Variants in EPB41L2 observed in about 807,000 individuals in gnomAD.
The protein encoded by EPB41L2 is band 4.1-like protein 2.
Under a neutral mutation model 113.0 loss-of-function variants are expected in EPB41L2, and 43 were observed. That is an observed-to-expected ratio of 0.38 (90% CI 0.30 to 0.49). The LOEUF (loss-of-function observed/expected upper bound fraction) is 0.49, where lower values mean the gene tolerates loss of function less well. Among genes scored for constraint, EPB41L2 ranks in the 20% least tolerant of loss-of-function variants. The probability of loss-of-function intolerance (pLI) is 0.95; values close to 1 mark genes in which losing one functional copy is unlikely to be tolerated. For synonymous variants in EPB41L2, 442 were observed against 436.7 expected (o/e 1.01, Z -0.15); for missense variants, 1,147 against 1,223.4 (o/e 0.94, Z 0.93).
chr6:130,913,842 C>T (rs1800146190), intron 4 of EPB41L2, among the ~76,000 whole-genome samples: 1 of 151,970 alleles, frequency 6.6e-6, no homozygotes, highest in South Asian at 2.1e-4. Flanking sequence ...CTTGGTTTGA[C>T]ACTTAAGGAG....
intron 12 of EPB41L2, chr6:130,880,479 T>C (rs1420439974): frequency 4.6e-6 from 3 of 655,858 alleles, no homozygotes; most frequent in Non-Finnish European, 8.2e-6. Flanking sequence ...TTCCTCTTCT[T>C]CCATCTTCGC....
Position 130,908,978 on chromosome 6 carries a change from A to G in EPB41L2, c.811-115T>C. On this transcript the variant is annotated intron_variant, in intron 4 of 19. Transcript: ENST00000337057. The stretch of plus-strand genomic sequence containing the variant: ...CACATTTTAATAAAGTATTATTCAA[A>G]GCAACTTGCACCTATCAGCATTCCA... 4 of 797,582 alleles carry G rather than the reference A, an allele frequency of 5.0e-6. 1 individual carries two copies. The South Asian group carries it at 8.2e-5, about 16-fold the overall frequency. The allele number at this position is 797,582 out of a possible 1,614,324, so 49.4% of individuals were successfully genotyped here.
chr6:131,033,351 T>C (rs9398969), intron 1 of EPB41L2, among the ~76,000 whole-genome samples: 22,804 of 152,010 alleles, frequency 0.15, 2,334 homozygotes, highest in East Asian at 0.43. Context: ...GGCAGGAATA[T>C]AGAATGAATG....
At chr6:130,897,106 G>C (rs1206304057) in intron 8 of EPB41L2, among the ~76,000 whole-genome samples, 1 of 151,924 alleles carries the variant, frequency 6.6e-6, no homozygotes, top group African/African-American at 2.4e-5. Flanking sequence ...TACTATCCTG[G>C]GGCTACCACG....
chr6:130,879,834 G>A (rs1352273549), intron 13 of EPB41L2, among the ~76,000 whole-genome samples: 1 of 152,202 alleles, frequency 6.6e-6, no homozygotes, highest in Non-Finnish European at 1.5e-5. Context: ...TGATGCCCTA[G>A]AGTTAACCCT....
intron 1 of EPB41L2, among the ~76,000 whole-genome samples, chr6:130,973,513 T>C (rs1294745738): frequency 6.6e-6 from 1 of 151,994 alleles, no homozygotes; most frequent in African/African-American, 2.4e-5. Context: ...CTTGGAAAAA[T>C]ATTGCCTTTG....
At position 130,901,078 on chromosome 6, in the gene EPB41L2, T is replaced by A. The variant is rs1192047631; in HGVS notation, c.1032A>T (p.Glu344Asp). The change falls in exon 7 of 20, where the codon GAA becomes GAT. Residue 344 changes from glutamate (E) to aspartate (D), a missense_variant. Transcript: ENST00000337057. ...ALLGSYTLQA[E>D]LGDYDPEEHG... The stretch of plus-strand genomic sequence containing the variant: ...GTTCTTCTGGGTCATAGTCACCAAG[T>A]TCAGCCTGCAGGGTGTAGGATCCCA... 1 of 1,614,112 alleles carries A rather than the reference T, an allele frequency of 6.2e-7. No homozygotes were observed. The highest frequency in any genetic ancestry group is 1.7e-5 in the Admixed American group (1 of 60,002).
At chr6:130,915,249 G>A (rs1304194751) in intron 4 of EPB41L2, among the ~76,000 whole-genome samples, 2 of 152,002 alleles carry the variant, frequency 1.3e-5, no homozygotes, top group African/African-American at 2.4e-5. Flanking sequence ...CTTGCAGTGA[G>A]CCGAGATCCC....
intron 12 of EPB41L2, 102 bp from the exon 13 acceptor site, chr6:130,880,308 A>G: frequency 1.4e-6 from 1 of 737,712 alleles, no homozygotes; most frequent in South Asian, 1.7e-5. Flanking sequence ...CTAAGACATT[A>G]AAATAAAAGA....
At chr6:130,959,133 G>T (rs1182161304) in intron 1 of EPB41L2, among the ~76,000 whole-genome samples, 1 of 152,148 alleles carries the variant, frequency 6.6e-6, no homozygotes, top group East Asian at 1.9e-4. Flanking sequence ...GTCAAAGAGA[G>T]GAAAGAGCTA....
chr6:130,994,049 T>C (rs1474209987), intron 1 of EPB41L2, among the ~76,000 whole-genome samples: 1 of 152,186 alleles, frequency 6.6e-6, no homozygotes, highest in Non-Finnish European at 1.5e-5. Flanking sequence ...TGTGAGTTTA[T>C]GGTACACACA....
intron 1 of EPB41L2, among the ~76,000 whole-genome samples, chr6:131,011,911 G>A (rs777688702): frequency 2.0e-5 from 3 of 152,088 alleles, no homozygotes; most frequent in Non-Finnish European, 4.4e-5. Context: ...CTCTAGAAGA[G>A]AACAACTTTC....
At chr6:131,018,526 T>C (rs1788751174) in intron 1 of EPB41L2, among the ~76,000 whole-genome samples, 1 of 152,180 alleles carries the variant, frequency 6.6e-6, no homozygotes, top group East Asian at 1.9e-4. Flanking sequence ...CTGTGGTAAT[T>C]TTTTCGTATG....
chr6:130,857,020 C>T (rs1252615282), intron 19 of EPB41L2, among the ~76,000 whole-genome samples: 2 of 151,936 alleles, frequency 1.3e-5, no homozygotes, highest in Non-Finnish European at 2.9e-5. Context: ...GACAAATACC[C>T]TTGTAGGTGA....
chr6:131,019,005 A>G (rs1562743311), intron 1 of EPB41L2, among the ~76,000 whole-genome samples: 1 of 152,202 alleles, frequency 6.6e-6, no homozygotes, highest in Non-Finnish European at 1.5e-5. Flanking sequence ...TCTTCAACAC[A>G]TGCTCATTTG....
rs1047198324 is a variant in EPB41L2, at chr6:130,877,999, A to G, written c.2043+105T>C. Reference sequence around the variant, plus strand: ...TTAGTAATTACATAAAAATAATTAAATGGGAACATTTTGTAACTTCCCTAG... The same window carrying G: ...TTAGTAATTACATAAAAATAATTAAGTGGGAACATTTTGTAACTTCCCTAG... On this transcript the variant is annotated intron_variant, in intron 14 of 19. Transcript: ENST00000337057. 3.5e-6 allele frequency: 4 copies of G among 1,154,076 alleles called. No homozygotes were observed. In the African/African-American group the frequency reaches 6.4e-5, roughly 18 times the overall value. The allele number at this position is 1,154,076 out of a possible 1,614,324, so 71.5% of individuals were successfully genotyped here.
At chr6:131,017,069 A>C (rs2128732959) in intron 1 of EPB41L2, among the ~76,000 whole-genome samples, 1 of 152,324 alleles carries the variant, frequency 6.6e-6, no homozygotes, top group South Asian at 2.1e-4. Flanking sequence ...CTATTATAAA[A>C]AGAACTAAAC....
At chr6:130,965,403 T>G (rs1218847769) in intron 1 of EPB41L2, among the ~76,000 whole-genome samples, 1 of 151,596 alleles carries the variant, frequency 6.6e-6, no homozygotes, top group African/African-American at 2.4e-5. Flanking sequence ...GGTTAAACAC[T>G]CATAACATAC....
At chr6:130,899,036 C>T (rs973270191) in intron 8 of EPB41L2, among the ~76,000 whole-genome samples, 1 of 152,068 alleles carries the variant, frequency 6.6e-6, no homozygotes, top group African/African-American at 2.4e-5. Flanking sequence ...AAAAGACCAA[C>T]TCTAGGGCTC....
Sources: gnomAD v4.1 joint callset for allele counts (sites outside exome capture counted in the v4.1 genomes callset) on GRCh38, gnomAD v4.1.1 for gene constraint, MANE v1.5 for transcripts, NCBI Gene and HGNC (gene_info 2026-07-23, HGNC 2026-07-21) for gene names.